The following CACNA1E variants were observed in gnomAD, a reference collection of about 807,000 sequenced individuals.
CACNA1E encodes voltage-dependent R-type calcium channel subunit alpha-1E.
Under a neutral mutation model 259.2 loss-of-function variants are expected in CACNA1E, and 40 were observed. The ratio of observed to expected loss-of-function variants is 0.15; its 90% CI spans 0.12 to 0.20. The LOEUF is 0.20. Among genes scored for constraint, CACNA1E ranks in the 10% least tolerant of loss-of-function variants. The pLI is 1.00. For missense variants in CACNA1E, 1,874 were observed against 3,040.1 expected (o/e 0.62, Z 9.02); for synonymous variants, 1,104 against 1,138.5 (o/e 0.97, Z 0.61).
chr1:181,400,677 A>G (rs1166018481), intron 1 of CACNA1E, among the ~76,000 whole-genome samples: 1 of 152,116 alleles, frequency 6.6e-6, no homozygotes, highest in Non-Finnish European at 1.5e-5. Context: ...AGCCTCCTGC[A>G]CCACTCAGGA....
intron 18 of CACNA1E, 126 bp downstream of exon 18, chr1:181,726,288 C>T: frequency 1.5e-6 from 1 of 646,890 alleles, no homozygotes; most frequent in Non-Finnish European, 2.8e-6. Flanking sequence ...GAGAATACAG[C>T]AGTGAGCCAG....
intron 6 of CACNA1E, among the ~76,000 whole-genome samples, chr1:181,613,670 A>G (rs1219833481): frequency 6.6e-6 from 1 of 152,166 alleles, no homozygotes; most frequent in African/African-American, 2.4e-5. Flanking sequence ...GAAGGTCCTG[A>G]TCATAAACCT....
intron 7 of CACNA1E, among the ~76,000 whole-genome samples, chr1:181,675,514 G>A (rs1649281468): frequency 6.6e-6 from 1 of 152,174 alleles, no homozygotes; most frequent in South Asian, 2.1e-4. Context: ...TGGGGAAGGA[G>A]AGTTCATGGA....
intron 35 of CACNA1E, among the ~76,000 whole-genome samples, chr1:181,769,444 G>T (rs1208684445): frequency 7.0e-6 from 1 of 142,958 alleles, no homozygotes. Flanking sequence ...CTGCTTTTTG[G>T]TTTTTTTTTT....
At chr1:181,785,207 T>C in intron 41 of CACNA1E, 111 bp from the exon 42 acceptor site, 1 of 699,384 alleles carries the variant, frequency 1.4e-6, no homozygotes, top group Non-Finnish European at 2.6e-6. Context: ...GATGAATGGG[T>C]GACTGATAGC....
At chr1:181,351,261 T>G (rs1653022936) in intron 1 of CACNA1E, among the ~76,000 whole-genome samples, 1 of 152,106 alleles carries the variant, frequency 6.6e-6, no homozygotes, top group Admixed American at 6.5e-5. Flanking sequence ...GGGGAGTGGA[T>G]GTGCTGAGTC....
chr1:181,547,420 C>G (rs1356243645), intron 3 of CACNA1E, among the ~76,000 whole-genome samples: 1 of 152,256 alleles, frequency 6.6e-6, no homozygotes, highest in African/African-American at 2.4e-5. Flanking sequence ...TCTTTCAAAG[C>G]CTTTCACGAT....
rs879588442 is a variant in CACNA1E, at chr1:181,754,318, T to TAATAAA, written c.3829-919_3829-918insAATAAA. On this transcript the variant is annotated intron_variant, in intron 27 of 47. Transcript: ENST00000367573. ...TCTGATGATTCCACAAGGGTGCCTG[T>TAATAAA]CACTTACATTCCCTGCAGTGTTGAA... Among the ~76,000 whole-genome samples the TAATAAA allele has an allele frequency of 1.4e-4, 21 of 152,194 alleles. 1 individual carries two copies. The highest frequency in any genetic ancestry group is 3.4e-3 in the Middle Eastern group (1 of 294).
chr1:181,470,474 G>T (rs1184009513), intron 2 of CACNA1E, among the ~76,000 whole-genome samples: 1 of 151,946 alleles, frequency 6.6e-6, no homozygotes, highest in Non-Finnish European at 1.5e-5. Flanking sequence ...CTCCCATCTC[G>T]GCTTCCCAAA....
Position 181,739,451 on chromosome 1 carries a change from C to T in CACNA1E, c.3719+198C>T, listed in dbSNP as rs141946926. Among the ~76,000 whole-genome samples, 1,228 of 152,198 alleles carry T rather than the reference C, an allele frequency of 8.1e-3. 18 individuals carry two copies. Among genetic ancestry groups the T allele is most frequent in the African/African-American group, 0.028 (1,147 of 41,520 alleles). On this transcript the variant is annotated intron_variant, in intron 25 of 47. Coordinates refer to ENST00000367573, the MANE Select transcript of CACNA1E (RefSeq NM_001205293.3). ...AGCTCACGTGACCTGAGTGGCAGAA[C>T]GGGGGAAGCAGGAGTAGGGAGCGTC...
chr1:181,674,568 C>T (rs1364048254), intron 7 of CACNA1E, among the ~76,000 whole-genome samples: 1 of 152,112 alleles, frequency 6.6e-6, no homozygotes. Flanking sequence ...ACACAGTCCC[C>T]CTAATATGGA....
At position 181,732,315 on chromosome 1, in the gene CACNA1E, C is replaced by G; in HGVS notation, c.2298-69C>G. The G allele has an allele frequency of 6.9e-7, 1 of 1,454,288 alleles. No homozygotes were observed. The highest frequency in any genetic ancestry group is 9.1e-7 in the Non-Finnish European group (1 of 1,104,676). The allele number at this position is 1,454,288 out of a possible 1,614,324, so 90.1% of individuals were successfully genotyped here. ...CATGTGTCCTGCCCTCTCACATGGCCCCTGTGGCCACCCTCCCTGCCTGCA... is the reference window on the plus strand; with the variant it reads ...CATGTGTCCTGCCCTCTCACATGGCGCCTGTGGCCACCCTCCCTGCCTGCA... On this transcript the variant is annotated intron_variant, in intron 19 of 47. Coordinates refer to ENST00000367573, the MANE Select transcript of CACNA1E (RefSeq NM_001205293.3). This position sits in a 1 kb window ranked among gnomAD's most constrained non-coding sequence, Gnocchi z 5.5.
intron 7 of CACNA1E, among the ~76,000 whole-genome samples, chr1:181,674,394 C>CAAAA (rs10711497): frequency 1.1e-4 from 5 of 43,586 alleles, no homozygotes; most frequent in South Asian, 1.4e-3. Flanking sequence ...GACTCCATCT[C>CAAAA]AAAAAAAAAA....
At chr1:181,326,396 C>A (rs1435402701) in intron 1 of CACNA1E, among the ~76,000 whole-genome samples, 1 of 152,158 alleles carries the variant, frequency 6.6e-6, no homozygotes, top group Non-Finnish European at 1.5e-5. Context: ...CCTGTCCTGG[C>A]CATTCACAAT....
At chr1:181,783,634 T>TC (rs1553355686) in intron 39 of CACNA1E, 45 bp from the exon 40 acceptor site, 15 of 380,774 alleles carry the variant, frequency 3.9e-5, no homozygotes, top group Middle Eastern at 4.9e-4. Context: ...TGTCTTTCAA[T>TC]TTTTTTTTTT....
intron 6 of CACNA1E, among the ~76,000 whole-genome samples, chr1:181,628,027 G>A (rs930402720): frequency 2.0e-5 from 3 of 152,100 alleles, no homozygotes; most frequent in Admixed American, 6.6e-5. Flanking sequence ...TTTTAAAAGC[G>A]AAAAAAATCA....
At chr1:181,414,781 C>T (rs535242103) in intron 2 of CACNA1E, among the ~76,000 whole-genome samples, 6 of 152,322 alleles carry the variant, frequency 3.9e-5, no homozygotes, top group South Asian at 2.1e-4. Flanking sequence ...GGATAACAAC[C>T]GCATTGTTAC....
chr1:181,354,729 C>T (rs796235727), intron 1 of CACNA1E, among the ~76,000 whole-genome samples: 15 of 152,000 alleles, frequency 9.9e-5, no homozygotes, highest in East Asian at 1.9e-4. Flanking sequence ...GCCTTGGTTC[C>T]GGGAAGGTTT....
intron 6 of CACNA1E, among the ~76,000 whole-genome samples, chr1:181,596,100 A>G (rs2103042590): frequency 6.6e-6 from 1 of 152,228 alleles, no homozygotes; most frequent in African/African-American, 2.4e-5. Flanking sequence ...GAAAGATGGG[A>G]GATTGGGCCG....
Sources: gnomAD v4.1 joint callset for allele counts (sites outside exome capture counted in the v4.1 genomes callset) on GRCh38, gnomAD v4.1.1 for gene constraint, Gnocchi (gnomAD v3.1) non-coding constraint, MANE v1.5 for transcripts, NCBI Gene and HGNC (gene_info 2026-07-23, HGNC 2026-07-21) for gene names.